The following ERCC3 variants were observed in gnomAD, a reference collection of about 807,000 sequenced individuals.
ERCC3 encodes ERCC excision repair 3, TFIIH core complex helicase subunit, also known as general transcription and DNA repair factor IIH helicase/translocase subunit XPB.
A neutral mutation model predicts 94.2 loss-of-function variants in ERCC3; 66 were observed. That is an observed-to-expected ratio of 0.70 (90% CI 0.57 to 0.86). The LOEUF is 0.86. Among genes scored for constraint, ERCC3 ranks in the 40% least tolerant of loss-of-function variants. ERCC3 has a pLI of 0.00. For missense variants in ERCC3, 829 were observed against 987.1 expected (o/e 0.84, Z 2.15); for synonymous variants, 349 against 369.1 (o/e 0.95, Z 0.63).
At chr2:127,270,353 T>C (rs1684510316) in intron 12 of ERCC3, among the ~76,000 whole-genome samples, 1 of 152,144 alleles carries the variant, frequency 6.6e-6, no homozygotes, top group African/African-American at 2.4e-5. Flanking sequence ...ACTTATAAGC[T>C]GAATCCTCAC....
At position 127,277,049 on chromosome 2, in the gene ERCC3, A is replaced by G. The variant is rs937051116; in HGVS notation, c.1730+2124T>C. On this transcript the variant is annotated intron_variant, in intron 10 of 14. Coordinates refer to ENST00000285398, the MANE Select transcript of ERCC3 (RefSeq NM_000122.2). This position sits in a 1 kb window ranked among gnomAD's most constrained non-coding sequence, Gnocchi z 5.1. ...CCTTCTCTCAGGAACCTACTGGAAC[A>G]TGTGCTCCATCAAAATGAGTAACCA... 2.6e-5 allele frequency among the ~76,000 whole-genome samples: 4 copies of G among 152,192 alleles called. No homozygotes were observed. Among genetic ancestry groups the G allele is most frequent in the Non-Finnish European group, 5.9e-5 (4 of 68,032 alleles).
Position 127,264,812 on chromosome 2 carries a change from G to T in ERCC3, c.1946-3466C>A, listed in dbSNP as rs1684305058. On this transcript the variant is annotated intron_variant, in intron 12 of 14. Coordinates refer to ENST00000285398, the MANE Select transcript of ERCC3 (RefSeq NM_000122.2). This position sits in a 1 kb window ranked among gnomAD's most constrained non-coding sequence, Gnocchi z 4.4. The stretch of plus-strand genomic sequence containing the variant: ...TTTTTTGAATAGTTTCAGTAGAACT[G>T]AATACATCTGGTCCAGGACTTTTTT... Among the ~76,000 whole-genome samples, 1 of 151,454 alleles carries T rather than the reference G, an allele frequency of 6.6e-6. No homozygotes were observed. The highest frequency in any genetic ancestry group is 6.6e-5 in the Admixed American group (1 of 15,162).
rs554167957 is a variant in ERCC3 at position 127,259,887 on chromosome 2, A to G, written c.2065-439T>C. 7.5e-6 allele frequency: 2 copies of G among 265,358 alleles called. No homozygotes were observed. The highest frequency in any genetic ancestry group is 4.6e-5 in the South Asian group (1 of 21,924). The allele number at this position is 265,358 out of a possible 1,614,324, so 16.4% of individuals were successfully genotyped here. On this transcript the variant is annotated intron_variant, in intron 13 of 14. Coordinates refer to ENST00000285398, the MANE Select transcript of ERCC3 (RefSeq NM_000122.2). This position sits in a 1 kb window ranked among gnomAD's most constrained non-coding sequence, Gnocchi z 4.9. ...TCCGCAACTGGGGCTTCCAGCAGGA[A>G]TGAGCACGTGAAAATGAAAATGATA... is the stretch of plus-strand genomic sequence containing the variant.
At chr2:127,288,342 T>C (rs760718196) in intron 7 of ERCC3, among the ~76,000 whole-genome samples, 6 of 152,144 alleles carry the variant, frequency 3.9e-5, no homozygotes, top group Non-Finnish European at 7.4e-5. Context: ...TCACCCCTCA[T>C]GTGCTCTAAT....
chr2:127,283,276 C>A (rs562238679), intron 8 of ERCC3, among the ~76,000 whole-genome samples: 1 of 152,242 alleles, frequency 6.6e-6, no homozygotes, highest in Middle Eastern at 3.4e-3. Context: ...TCTGACCCCC[C>A]ACTTCTGGCA....
rs1684039401 is a variant in ERCC3 at position 127,257,316 on chromosome 2, T to C, written c.*280A>G. 1.4e-5 allele frequency: 7 copies of C among 485,054 alleles called. No homozygotes were observed. The highest frequency in any genetic ancestry group is 2.7e-5 in the Non-Finnish European group (7 of 255,468). The allele number at this position is 485,054 out of a possible 1,614,324, so 30.0% of individuals were successfully genotyped here. Reference sequence around the variant, plus strand: ...CTGGTTCAATGGTCCATTCTGTTTATTCAGAACGGTAACATAAATACACCT... The same window carrying C: ...CTGGTTCAATGGTCCATTCTGTTTACTCAGAACGGTAACATAAATACACCT... On this transcript the variant is annotated 3_prime_UTR_variant, in exon 15 of 15. Coordinates refer to ENST00000285398, the MANE Select transcript of ERCC3 (RefSeq NM_000122.2). This position sits in a 1 kb window ranked among gnomAD's most constrained non-coding sequence, Gnocchi z 5.4.
chr2:127,260,973 A>G (rs918361742), intron 13 of ERCC3: 3 of 494,050 alleles, frequency 6.1e-6, no homozygotes, highest in Non-Finnish European at 1.1e-5. Flanking sequence ...ATCCCTGAGA[A>G]AGCAGCCCTG....
Position 127,257,724 on chromosome 2 carries a change from A to T in ERCC3, c.2221T>A (p.Ser741Thr), listed in dbSNP as rs1684061372. The T allele has an allele frequency of 1.2e-6, 2 of 1,614,108 alleles. No individual in the cohort carries two copies. Among genetic ancestry groups the T allele is most frequent in the Non-Finnish European group, 1.7e-6 (2 of 1,180,048 alleles). Residue 741 changes from serine (S) to threonine (T), a missense_variant, in exon 15 of 15, where the codon TCT becomes ACT. Coordinates refer to ENST00000285398, the MANE Select transcript of ERCC3 (RefSeq NM_000122.2). The surrounding 1 kb of genome is among the most constrained non-coding windows in gnomAD (Gnocchi z 5.4). Reference protein sequence around the residue: ...GEFGSRSSQASRRFGTMSSMS... With the variant: ...GEFGSRSSQATRRFGTMSSMS... ...GAACTCATGGTGCCAAAGCGCCGAG[A>T]TGCCTGCCGGGAAGGGGGAACCAGC...
Position 127,267,191 on chromosome 2 carries a change from G to A in ERCC3, c.1945+4145C>T, listed in dbSNP as rs558333658. On this transcript the variant is annotated intron_variant, in intron 12 of 14. Transcript: ENST00000285398. ...TATAATCTGTCTCATGCTGTCAGTG[G>A]GGTGTCAAAATCTCCTACCATTGTT... Among the ~76,000 whole-genome samples the A allele has an allele frequency of 7.9e-5, 12 of 152,158 alleles. No homozygotes were observed. In the East Asian group the frequency reaches 1.5e-3, roughly 20 times the overall value.
chr2:127,292,355 G>A (rs1162046592), intron 3 of ERCC3: 4 of 566,430 alleles, frequency 7.1e-6, no homozygotes, highest in Non-Finnish European at 9.7e-6. Flanking sequence ...AGCTGGGAGC[G>A]GCTCATGAGA....
chr2:127,282,686 G>A (rs1684952968), intron 8 of ERCC3, among the ~76,000 whole-genome samples: 2 of 152,198 alleles, frequency 1.3e-5, no homozygotes, highest in South Asian at 4.1e-4. Flanking sequence ...CTGGGACAAT[G>A]AGCATGGCCA....
intron 12 of ERCC3, 177 bp from the exon 13 acceptor site, chr2:127,261,523 AG>A: frequency 1.5e-6 from 1 of 660,000 alleles, no homozygotes; most frequent in Non-Finnish European, 2.7e-6. Context: ...TGTGCTTCCA[AG>A]GACACCATCA....
chr2:127,287,021 C>T lies in ERCC3; in HGVS notation c.1028-4G>A. The T allele has an allele frequency of 1.2e-6, 2 of 1,609,236 alleles. No individual in the cohort carries two copies. The highest frequency in any genetic ancestry group is 1.7e-6 in the Non-Finnish European group (2 of 1,179,270). On this transcript the variant is annotated splice_region_variant and splice_polypyrimidine_tract_variant and intron_variant, in intron 7 of 14. Coordinates refer to ENST00000285398, the MANE Select transcript of ERCC3 (RefSeq NM_000122.2). Reference sequence around the variant, plus strand: ...CCAACCAGGGACTTTCCAGCACCTACAAGAAACAAGAGTGCAATCCCACCC... The same window carrying T: ...CCAACCAGGGACTTTCCAGCACCTATAAGAAACAAGAGTGCAATCCCACCC...
intron 8 of ERCC3, among the ~76,000 whole-genome samples, chr2:127,285,334 C>T (rs1021656249): frequency 6.6e-6 from 1 of 152,136 alleles, no homozygotes; most frequent in Non-Finnish European, 1.5e-5. Flanking sequence ...CCCAAGCAGG[C>T]AGATCACTTA....
At position 127,291,462 on chromosome 2, in the gene ERCC3, T is replaced by A. The variant is rs1432993494; in HGVS notation, c.471+1148A>T. The stretch of plus-strand genomic sequence containing the variant: ...TTTAGTAGAGACAGGAATTTCGCCA[T>A]GTTGGCCAGGCTGGTCTTGAACTCC... On this transcript the variant is annotated intron_variant, in intron 3 of 14. Transcript: ENST00000285398. This position sits in a 1 kb window ranked among gnomAD's most constrained non-coding sequence, Gnocchi z 4.9. 6.6e-6 allele frequency among the ~76,000 whole-genome samples: 1 copy of A among 152,140 alleles called. No homozygotes were observed. The highest frequency in any genetic ancestry group is 1.5e-5 in the Non-Finnish European group (1 of 68,020).
chr2:127,278,396 A>T (rs1377709042), intron 10 of ERCC3, among the ~76,000 whole-genome samples: 1 of 152,258 alleles, frequency 6.6e-6, no homozygotes, highest in Non-Finnish European at 1.5e-5. Flanking sequence ...GACTTGGATT[A>T]AAAAGTCTTT....
intron 12 of ERCC3, among the ~76,000 whole-genome samples, chr2:127,269,417 C>CTTTTTT (rs70985445): frequency 3.5e-5 from 4 of 113,554 alleles, no homozygotes; most frequent in Non-Finnish European, 5.3e-5. Flanking sequence ...ATTCTATTCA[C>CTTTTTT]TTTTTTTTTT....
chr2:127,290,204 C>G lies in ERCC3; in HGVS notation c.521+20G>C. The G allele has an allele frequency of 6.2e-7, 1 of 1,605,720 alleles. No individual in the cohort carries two copies. Among genetic ancestry groups the G allele is most frequent in the Non-Finnish European group, 8.5e-7 (1 of 1,172,272 alleles). On this transcript the variant is annotated intron_variant, in intron 4 of 14. Transcript: ENST00000285398. ...GAAAGTGACAGTGCCTTGGGACAGG[C>G]CTGTCATGGAATCTCTTACCTGTTG...
intron 12 of ERCC3, among the ~76,000 whole-genome samples, chr2:127,267,006 G>A (rs1684397567): frequency 6.6e-6 from 1 of 152,306 alleles, no homozygotes; most frequent in East Asian, 1.9e-4. Flanking sequence ...GTGAGCCACG[G>A]CACCAGGCCC....
Sources: gnomAD v4.1 joint callset for allele counts (sites outside exome capture counted in the v4.1 genomes callset) on GRCh38, gnomAD v4.1.1 for gene constraint, Gnocchi (gnomAD v3.1) non-coding constraint, MANE v1.5 for transcripts, NCBI Gene and HGNC (gene_info 2026-07-23, HGNC 2026-07-21) for gene names.